PARD3B: variants seen among roughly 807,000 people sequenced by gnomAD.
PARD3B encodes the protein partitioning defective 3 homolog B.
A neutral mutation model predicts 130.2 loss-of-function variants in PARD3B; 103 were observed. That is an observed-to-expected ratio of 0.79 (90% CI 0.67 to 0.93). The LOEUF (loss-of-function observed/expected upper bound fraction) is 0.93, where lower values mean the gene tolerates loss of function less well. Among genes scored for constraint, PARD3B ranks in the 40% least tolerant of loss-of-function variants. PARD3B has a pLI of 0.00. For missense variants in PARD3B, 1,609 were observed against 1,499.2 expected, an observed-to-expected ratio of 1.07 and a Z score of -1.21; for synonymous variants, 583 against 553.2, an observed-to-expected ratio of 1.05 and a Z score of -0.76.
chr2:205,267,292 A>T (rs571130073), intron 16 of PARD3B, among the ~76,000 whole-genome samples: 2 of 145,502 alleles, frequency 1.4e-5, no homozygotes, highest in South Asian at 2.2e-4. Flanking sequence ...CTATGTACTG[A>T]TATTGTATAA....
At chr2:205,193,400 C>A in intron 15 of PARD3B, 80 bp downstream of exon 15, 1 of 1,109,790 alleles carries the variant, frequency 9.0e-7, no homozygotes, top group East Asian at 2.4e-5. Context: ...GGTTTTGTTT[C>A]TTCAACTCAA....
At chr2:205,491,743 C>T (rs931759918) in intron 20 of PARD3B, among the ~76,000 whole-genome samples, 2 of 152,112 alleles carry the variant, frequency 1.3e-5, no homozygotes, top group African/African-American at 4.8e-5. Context: ...GATGGAAATA[C>T]TAAGACAAGG....
intron 18 of PARD3B, among the ~76,000 whole-genome samples, chr2:205,318,802 C>T (rs541250454): frequency 6.6e-6 from 1 of 152,274 alleles, no homozygotes; most frequent in East Asian, 1.9e-4. Flanking sequence ...GATCAGCCTT[C>T]TAACTCCACC....
chr2:205,084,123 T>C (rs1701601959), intron 4 of PARD3B, among the ~76,000 whole-genome samples: 1 of 152,164 alleles, frequency 6.6e-6, no homozygotes, highest in African/African-American at 2.4e-5. Flanking sequence ...TCAGTTTGTG[T>C]GCAATAGAAT....
intron 4 of PARD3B, among the ~76,000 whole-genome samples, chr2:205,050,459 T>A (rs1273295746): frequency 1.3e-5 from 2 of 151,818 alleles, no homozygotes; most frequent in African/African-American, 2.4e-5. Flanking sequence ...ACTTATGGAA[T>A]GTTTAGATCT....
At position 205,194,956 on chromosome 2, in the gene PARD3B, T is replaced by TG. The variant is rs111451983; in HGVS notation, c.2140+1636_2140+1637insG. Among the ~76,000 whole-genome samples, 13 of 139,964 alleles carry TG rather than the reference T, an allele frequency of 9.3e-5. No homozygotes were observed. In the East Asian group the frequency reaches 1.7e-3, roughly 18 times the overall value. 91.8% of individuals were successfully genotyped at this position (139,964 alleles called of 152,430 possible). A position where few individuals can be genotyped will look rare whatever the true frequency, so the allele number is the denominator to read the frequency against. On this transcript the variant is annotated intron_variant, in intron 15 of 22. Coordinates refer to ENST00000406610, the MANE Select transcript of PARD3B (RefSeq NM_001302769.2). ...CTGCCACCACGCCAGGCTAATTTTT[T>TG]TTTTTTTTTTTTTTGTATTTTTAGT...
intron 1 of PARD3B, among the ~76,000 whole-genome samples, chr2:204,608,769 A>G (rs955566280): frequency 6.6e-6 from 1 of 152,192 alleles, no homozygotes; most frequent in Non-Finnish European, 1.5e-5. Context: ...CAAGACTTCT[A>G]TGCTTTTGCA....
At chr2:205,297,818 A>G (rs1040970192) in intron 16 of PARD3B, among the ~76,000 whole-genome samples, 2 of 152,208 alleles carry the variant, frequency 1.3e-5, no homozygotes, top group Admixed American at 6.5e-5. Flanking sequence ...ATTACCATGT[A>G]TTACATCCAA....
chr2:204,913,961 G>A (rs1354164208), intron 2 of PARD3B, among the ~76,000 whole-genome samples: 1 of 152,216 alleles, frequency 6.6e-6, no homozygotes, highest in Non-Finnish European at 1.5e-5. Context: ...GGAAATGTCT[G>A]TGCTGGCTTA....
chr2:204,617,926 T>C (rs535947176), intron 1 of PARD3B, among the ~76,000 whole-genome samples: 102 of 152,342 alleles, frequency 6.7e-4, no homozygotes, highest in African/African-American at 2.4e-3. Flanking sequence ...GTACCACATT[T>C]CCTTTAGCCA....
chr2:204,746,987 T>C (rs910793473), intron 2 of PARD3B, among the ~76,000 whole-genome samples: 1 of 152,212 alleles, frequency 6.6e-6, no homozygotes, highest in African/African-American at 2.4e-5. Context: ...TTTAATTAGA[T>C]CCCATTTGTC....
chr2:205,021,617 T>TCTCTCTCC lies in PARD3B; in HGVS notation c.395-25961_395-25960insTCTCCCTC, dbSNP rs1299899487. On this transcript the variant is annotated intron_variant, in intron 3 of 22. Transcript: ENST00000406610. The surrounding 1 kb of genome is among the most constrained non-coding windows in gnomAD (Gnocchi z 4.5). Reference sequence around the variant, plus strand: ...TCTTCTCTCTCTCTCTCTCTCTCTCTCTCCCTCTCTCTTTCTCTCTCTCTC... The same window carrying TCTCTCTCC: ...TCTTCTCTCTCTCTCTCTCTCTCTCTCTCTCTCCCTCCCTCTCTCTTTCTCTCTCTCTC... Among the ~76,000 whole-genome samples the TCTCTCTCC allele has an allele frequency of 1.7e-4, 23 of 138,788 alleles. No individual in the cohort carries two copies. The highest frequency in any genetic ancestry group is 6.3e-4 in the African/African-American group (23 of 36,314). The allele number at this position is 138,788 out of a possible 152,430, so 91.1% of individuals were successfully genotyped here.
rs1246826738 is a variant in PARD3B, at chr2:205,366,086, G to A, written c.2631-34927G>A. On this transcript the variant is annotated intron_variant, in intron 18 of 22. Coordinates refer to ENST00000406610, the MANE Select transcript of PARD3B (RefSeq NM_001302769.2). This position sits in a 1 kb window ranked among gnomAD's most constrained non-coding sequence, Gnocchi z 5.0. ...TATCCCCCCACTCATCCATCCATCC[G>A]TTTATCCATCCATTCATCCATCCAT... is the stretch of plus-strand genomic sequence containing the variant. Among the ~76,000 whole-genome samples the A allele has an allele frequency of 1.3e-5, 2 of 150,030 alleles. No homozygotes were observed. The highest frequency in any genetic ancestry group is 2.5e-5 in the African/African-American group (1 of 40,804).
chr2:205,119,668 G>C (rs2030416839), intron 7 of PARD3B, among the ~76,000 whole-genome samples: 1 of 152,064 alleles, frequency 6.6e-6, no homozygotes, highest in Non-Finnish European at 1.5e-5. Context: ...TGTAATCCCA[G>C]CTACTTGGGA....
rs1442919478 is a variant in PARD3B at position 204,906,624 on chromosome 2, A to C, written c.223-58528A>C. Among the ~76,000 whole-genome samples the C allele has an allele frequency of 3.3e-5, 5 of 152,220 alleles. No individual in the cohort carries two copies. Among genetic ancestry groups the C allele is most frequent in the Non-Finnish European group, 5.9e-5 (4 of 68,046 alleles). Reference sequence around the variant, plus strand: ...AATTTAGCAACCATTGTTCTGTTTGATAACCACAGCTTGACAGATATATTA... The same window carrying C: ...AATTTAGCAACCATTGTTCTGTTTGCTAACCACAGCTTGACAGATATATTA... On this transcript the variant is annotated intron_variant, in intron 2 of 22. Coordinates refer to ENST00000406610, the MANE Select transcript of PARD3B (RefSeq NM_001302769.2). The surrounding 1 kb of genome is among the most constrained non-coding windows in gnomAD (Gnocchi z 4.3).
intron 18 of PARD3B, among the ~76,000 whole-genome samples, chr2:205,342,324 AAGG>A (rs2043573829): frequency 6.6e-6 from 1 of 152,194 alleles, no homozygotes; most frequent in Non-Finnish European, 1.5e-5. Flanking sequence ...GTTTATACAG[AAGG>A]AGAATGAAGA....
chr2:205,077,108 A>G (rs1355317680), intron 4 of PARD3B, among the ~76,000 whole-genome samples: 1 of 152,200 alleles, frequency 6.6e-6, no homozygotes, highest in Non-Finnish European at 1.5e-5. Context: ...CTTTGTCTAT[A>G]TATAGATATA....
At position 205,021,686 on chromosome 2, in the gene PARD3B, C is replaced by G. The variant is rs989949989; in HGVS notation, c.395-25895C>G. ...TATATAGTTAATCTTTTCAATGACC[C>G]TGTGTCTTTCTTTGGATAGAAATTT... is the stretch of plus-strand genomic sequence containing the variant. On this transcript the variant is annotated intron_variant, in intron 3 of 22. Coordinates refer to ENST00000406610, the MANE Select transcript of PARD3B (RefSeq NM_001302769.2). This position sits in a 1 kb window ranked among gnomAD's most constrained non-coding sequence, Gnocchi z 4.5. 6.6e-6 allele frequency among the ~76,000 whole-genome samples: 1 copy of G among 150,516 alleles called. No individual in the cohort carries two copies.
chr2:204,929,499 T>C (rs1687868897), intron 2 of PARD3B, among the ~76,000 whole-genome samples: 1 of 152,194 alleles, frequency 6.6e-6, no homozygotes, highest in African/African-American at 2.4e-5. Flanking sequence ...GGAAAGTCCT[T>C]TTAAGTACCA....
Sources: allele counts gnomAD v4.1 joint callset (sites outside exome capture counted in the v4.1 genomes callset), GRCh38; gene constraint gnomAD v4.1.1; non-coding constraint Gnocchi (gnomAD v3.1); transcripts MANE v1.5; gene names NCBI Gene and HGNC (gene_info 2026-07-23, HGNC 2026-07-21).